PHKA1: variants seen among roughly 807,000 people sequenced by gnomAD.
PHKA1 encodes phosphorylase kinase regulatory subunit alpha 1.
PHKA1 carries 60 observed loss-of-function variants against 110.2 expected under a neutral mutation model. The ratio of observed to expected loss-of-function variants is 0.54; its 90% CI spans 0.44 to 0.68. The LOEUF (loss-of-function observed/expected upper bound fraction) is 0.68. PHKA1 is among the 30% of genes least tolerant of loss of function. PHKA1 has a pLI of 0.00. For synonymous variants in PHKA1, 316 were observed against 333.6 expected, an observed-to-expected ratio of 0.95 and a Z score of 0.58; for missense variants, 801 against 942.5, an observed-to-expected ratio of 0.85 and a Z score of 1.97.
At chrX:72,676,885 G>A (rs1185470526) in intron 5 of PHKA1, among the ~76,000 whole-genome samples, 3 of 112,557 alleles carry the variant, frequency 2.7e-5, no homozygotes, top group Admixed American at 9.4e-5. Flanking sequence ...TGATGTTAAC[G>A]TCTAACATAA....
intron 5 of PHKA1, among the ~76,000 whole-genome samples, chrX:72,682,943 A>G (rs782273746): frequency 3.8e-5 from 4 of 104,728 alleles, no homozygotes; most frequent in African/African-American, 1.0e-4. Context: ...TTAAAAAAAA[A>G]AAAAAAAAAA....
chrX:72,702,837 C>T (rs1464299812), intron 3 of PHKA1, among the ~76,000 whole-genome samples: 2 of 111,698 alleles, frequency 1.8e-5, no homozygotes, highest in Non-Finnish European at 1.9e-5. Flanking sequence ...GCCTCCCATT[C>T]TATTCAAAGT....
At position 72,579,686 on chromosome X, in the gene PHKA1, TAC is replaced by T. The variant is rs2052309191; in HGVS notation, c.*1314_*1315del. 9.0e-6 allele frequency: 1 copy of T among 111,077 alleles called. No homozygotes were observed. Among genetic ancestry groups the T allele is most frequent in the African/African-American group, 3.3e-5 (1 of 30,436 alleles). The allele number at this position is 111,077 out of a possible 1,213,427, so 9.2% of individuals were successfully genotyped here. A position where few individuals can be genotyped will look rare whatever the true frequency, so the allele number is the denominator to read the frequency against. On this transcript the variant is annotated 3_prime_UTR_variant, in exon 32 of 32. Transcript: ENST00000373542. ...CATCAAATGTAGATACAGATTGATA[TAC>T]AGACACATCAAAACTGCTTACATTC...
intron 2 of PHKA1, among the ~76,000 whole-genome samples, chrX:72,708,915 A>G (rs139834132): frequency 1.7e-4 from 19 of 111,926 alleles, no homozygotes; most frequent in African/African-American, 6.2e-4. Context: ...ACTATGGGAA[A>G]TACTCCAAGT....
intron 12 of PHKA1, 122 bp downstream of exon 12, chrX:72,652,416 AAACTAT>A: frequency 1.9e-6 from 1 of 521,514 alleles, no homozygotes. Context: ...ACCTGGAGGA[AAACTAT>A]AATTAAGGCA....
intron 6 of PHKA1, among the ~76,000 whole-genome samples, chrX:72,671,247 AG>A (rs1215687832): frequency 8.9e-6 from 1 of 112,119 alleles, no homozygotes; most frequent in Admixed American, 9.4e-5. Context: ...GTCTCAGGAT[AG>A]AAAATCAATG....
Position 72,697,923 on chromosome X carries a change from A to G in PHKA1, c.286-2047T>C, listed in dbSNP as rs924072031. The stretch of plus-strand genomic sequence containing the variant: ...GGCGTGAACCTGGGAGGTGGAGGTT[A>G]CAATGAGCCGAGACTGCGCCACTGC... On this transcript the variant is annotated intron_variant, in intron 3 of 31. Transcript: ENST00000373542. 4.6e-5 allele frequency among the ~76,000 whole-genome samples: 5 copies of G among 109,025 alleles called. No individual in the cohort carries two copies. The South Asian group carries it at 1.2e-3, about 27-fold the overall frequency. 94.7% of individuals were successfully genotyped at this position (109,025 alleles called of 115,157 possible).
At chrX:72,681,253 C>T (rs1196635691) in intron 5 of PHKA1, among the ~76,000 whole-genome samples, 10 of 100,319 alleles carry the variant, frequency 1.0e-4, no homozygotes, top group African/African-American at 2.1e-4. Context: ...TCTGCCTGGC[C>T]GCCCCGTCTG....
intron 18 of PHKA1, 96 bp downstream of exon 18, chrX:72,623,013 T>C (rs375753041): frequency 1.7e-6 from 2 of 1,190,631 alleles, no homozygotes; most frequent in Non-Finnish European, 1.1e-6. Flanking sequence ...GATAGAACAC[T>C]GTGAGACTGC....
chrX:72,580,215 T>C lies in PHKA1; in HGVS notation c.*787A>G, dbSNP rs2052317271. The C allele has an allele frequency of 8.9e-6, 1 of 112,223 alleles. No homozygotes were observed. The allele number at this position is 112,223 out of a possible 1,213,427, so 9.2% of individuals were successfully genotyped here. A position where few individuals can be genotyped will look rare whatever the true frequency, so the allele number is the denominator to read the frequency against. On this transcript the variant is annotated 3_prime_UTR_variant, in exon 32 of 32. Coordinates refer to ENST00000373542, the MANE Select transcript of PHKA1 (RefSeq NM_002637.4). ...TGGGCTCCGGGCTCCATTTCTGGGTTATTCTGCATTTTCTGCTGCAAATAC... is the reference window on the plus strand; with the variant it reads ...TGGGCTCCGGGCTCCATTTCTGGGTCATTCTGCATTTTCTGCTGCAAATAC...
intron 1 of PHKA1, among the ~76,000 whole-genome samples, 154 bp downstream of exon 1, chrX:72,713,649 G>A (rs782818226): frequency 1.9e-5 from 2 of 103,557 alleles, no homozygotes; most frequent in East Asian, 3.0e-4. Context: ...ACACACACGC[G>A]GAGTTCATGC....
Position 72,620,660 on chromosome X carries a change from C to T in PHKA1, c.2137+65G>A, listed in dbSNP as rs2052963451. 2.4e-5 allele frequency: 24 copies of T among 981,458 alleles called. No individual in the cohort carries two copies. In the South Asian group the frequency reaches 4.5e-4, roughly 18 times the overall value. 80.9% of individuals were successfully genotyped at this position (981,458 alleles called of 1,213,427 possible). On this transcript the variant is annotated intron_variant, in intron 19 of 31. Coordinates refer to ENST00000373542, the MANE Select transcript of PHKA1 (RefSeq NM_002637.4). ...GTTCCTGCTTACATTGTAATCAATG[C>T]CCGCCCCTATCCTGGGCTTCACGTC... is the stretch of plus-strand genomic sequence containing the variant.
At position 72,666,710 on chromosome X, in the gene PHKA1, G is replaced by C. The variant is rs949146122; in HGVS notation, c.718-413C>G. On this transcript the variant is annotated intron_variant, in intron 7 of 31. Coordinates refer to ENST00000373542, the MANE Select transcript of PHKA1 (RefSeq NM_002637.4). ...AGCAACTACTTAAGAATAAAGTCAA[G>C]AGAAAACACAGCTGCTAAGAAGCAG... Among the ~76,000 whole-genome samples the C allele has an allele frequency of 2.7e-5, 3 of 111,871 alleles. No homozygotes were observed. In the East Asian group the frequency reaches 8.4e-4, roughly 31 times the overall value.
At position 72,714,126 on chromosome X, in the gene PHKA1, G is replaced by T; in HGVS notation, c.-246C>A. 3 of 407,388 alleles carry T rather than the reference G, an allele frequency of 7.4e-6. No individual in the cohort carries two copies. The South Asian group carries it at 1.0e-4, about 14-fold the overall frequency. 33.6% of individuals were successfully genotyped at this position (407,388 alleles called of 1,213,427 possible). A position where few individuals can be genotyped will look rare whatever the true frequency, so the allele number is the denominator to read the frequency against. On this transcript the variant is annotated 5_prime_UTR_variant, in exon 1 of 32. Coordinates refer to ENST00000373542, the MANE Select transcript of PHKA1 (RefSeq NM_002637.4). ...CTGGCTTCCCGCGGTCTAGAGCCCC[G>T]CCGCAGCGCCCCAGGCGCCGCTCCT...
At chrX:72,662,679 C>A (rs960166632) in intron 8 of PHKA1, among the ~76,000 whole-genome samples, 4 of 111,793 alleles carry the variant, frequency 3.6e-5, no homozygotes, top group African/African-American at 1.3e-4. Context: ...TGCATGTCTA[C>A]ACCCCAGGCC....
At chrX:72,670,585 T>C (rs2053680194) in intron 6 of PHKA1, among the ~76,000 whole-genome samples, 1 of 111,933 alleles carries the variant, frequency 8.9e-6, no homozygotes, top group Non-Finnish European at 1.9e-5. Context: ...ACTCATTTTA[T>C]GAGGCCAGAA....
rs1349097274 is a variant in PHKA1, at chrX:72,599,950, G to A, written c.3072+2041C>T. 4 of 462,649 alleles carry A rather than the reference G, an allele frequency of 8.6e-6. No homozygotes were observed. The Admixed American group carries it at 9.4e-5, about 11-fold the overall frequency. 38.1% of individuals were successfully genotyped at this position (462,649 alleles called of 1,213,427 possible). On this transcript the variant is annotated intron_variant, in intron 28 of 31. Coordinates refer to ENST00000373542, the MANE Select transcript of PHKA1 (RefSeq NM_002637.4). The stretch of plus-strand genomic sequence containing the variant: ...TTTGTACTTTTAAGTCACTAGTGGA[G>A]TAAAAATACAGACTATTTCAGTATG...
At chrX:72,588,299 G>A (rs2052464089) in intron 29 of PHKA1, among the ~76,000 whole-genome samples, 1 of 112,201 alleles carries the variant, frequency 8.9e-6, no homozygotes, top group South Asian at 3.7e-4. Flanking sequence ...ACAACTACAT[G>A]GAAACTGAAC....
At chrX:72,685,347 C>G (rs1272023533) in intron 4 of PHKA1, among the ~76,000 whole-genome samples, 1 of 111,369 alleles carries the variant, frequency 9.0e-6, no homozygotes, top group African/African-American at 3.3e-5. Flanking sequence ...CTCAAACATA[C>G]AGAACTACAC....
Sources: allele counts gnomAD v4.1 joint callset (sites outside exome capture counted in the v4.1 genomes callset), GRCh38; gene constraint gnomAD v4.1.1; transcripts MANE v1.5; gene names NCBI Gene and HGNC (gene_info 2026-07-23, HGNC 2026-07-21).